Variants in RALB observed in about 807,000 individuals in gnomAD.
RALB encodes ras-related protein Ral-B.
In RALB, 16 loss-of-function variants were observed where a neutral mutation model predicts 21.3. The ratio of observed to expected loss-of-function variants is 0.75; its 90% CI spans 0.51 to 1.14. RALB has a LOEUF of 1.14. Among genes scored for constraint, RALB ranks in the 50% most tolerant of loss-of-function variants. The pLI is 0.00. For synonymous variants in RALB, 93 were observed against 96.1 expected (o/e 0.97, Z 0.19); for missense variants, 161 against 256.2 (o/e 0.63, Z 2.54).
At chr2:120,254,018 C>T (rs1280978278) in intron 1 of RALB, among the ~76,000 whole-genome samples, 2 of 152,142 alleles carry the variant, frequency 1.3e-5, no homozygotes, top group African/African-American at 2.4e-5. Flanking sequence ...CAGAACCGGT[C>T]AAGGCTCAGA....
chr2:120,277,690 A>T (rs535602302), intron 1 of RALB, among the ~76,000 whole-genome samples: 138 of 148,584 alleles, frequency 9.3e-4, no homozygotes, highest in Non-Finnish European at 1.4e-3. Context: ...TATGAGTGAA[A>T]GTGTGTATGT....
intron 1 of RALB, chr2:120,253,344 T>G: frequency 2.1e-6 from 2 of 968,944 alleles, no homozygotes; most frequent in Non-Finnish European, 2.5e-6. Context: ...GGCCGCGGCT[T>G]GGGCAGGGTC....
chr2:120,259,191 C>T (rs959134229), intron 1 of RALB, among the ~76,000 whole-genome samples: 2 of 152,212 alleles, frequency 1.3e-5, no homozygotes, highest in African/African-American at 4.8e-5. Flanking sequence ...AACAAAGCTT[C>T]CACAGCGTAG....
At chr2:120,248,585 C>T (rs936952620), upstream of RALB, among the ~76,000 whole-genome samples, 4 of 152,080 alleles carry the variant, frequency 2.6e-5, no homozygotes, top group African/African-American at 9.7e-5. Context: ...CGTGGACCCC[C>T]GGAACAGCAT....
intron 1 of RALB, among the ~76,000 whole-genome samples, chr2:120,277,965 ATGTG>A (rs1000240714): frequency 1.6e-4 from 20 of 124,202 alleles, no homozygotes; most frequent in African/African-American, 2.2e-4. Flanking sequence ...ATGTGAGTGA[ATGTG>A]TGTGAATAAG....
chr2:120,255,119 T>TCC (rs978588153), intron 1 of RALB, among the ~76,000 whole-genome samples: 7 of 152,228 alleles, frequency 4.6e-5, no homozygotes, highest in African/African-American at 1.7e-4. Context: ...GGAGACAATG[T>TCC]AAGACTAGAG....
chr2:120,284,545 T>G (rs927759908), intron 2 of RALB, among the ~76,000 whole-genome samples: 1 of 152,192 alleles, frequency 6.6e-6, no homozygotes, highest in Non-Finnish European at 1.5e-5. Context: ...ATTACAGGTG[T>G]GCACCACCAT....
intron 2 of RALB, among the ~76,000 whole-genome samples, chr2:120,284,676 G>GT (rs907488234): frequency 6.6e-5 from 10 of 151,750 alleles, no homozygotes; most frequent in South Asian, 4.2e-4. Context: ...AATTTAATAG[G>GT]TTTTTTTTGT....
At chr2:120,273,902 G>C (rs1004798402) in intron 1 of RALB, among the ~76,000 whole-genome samples, 7 of 152,172 alleles carry the variant, frequency 4.6e-5, no homozygotes, top group African/African-American at 1.4e-4. Context: ...TATCCACCAT[G>C]GTTATTTCAG....
chr2:120,253,690 C>T (rs534847835), intron 1 of RALB: 4 of 985,482 alleles, frequency 4.1e-6, no homozygotes, highest in African/African-American at 1.7e-5. Context: ...TCTCTGTGCT[C>T]ATTTCCAACG....
chr2:120,280,349 A>G (rs1689958023), intron 2 of RALB, among the ~76,000 whole-genome samples: 1 of 152,202 alleles, frequency 6.6e-6, no homozygotes, highest in Non-Finnish European at 1.5e-5. Flanking sequence ...TGTGGCACAT[A>G]TACACCATGG....
At position 120,278,626 on chromosome 2, in the gene RALB, T is replaced by C; in HGVS notation, c.-39T>C. ...GTCTTTGTCATCAGCAGCTCTTCAG[T>C]GGGTCATCTGTGTGTCACAGCCTCA... On this transcript the variant is annotated 5_prime_UTR_variant, in exon 2 of 5. Coordinates refer to ENST00000272519, the MANE Select transcript of RALB (RefSeq NM_002881.3). 1.3e-6 allele frequency: 2 copies of C among 1,532,264 alleles called. No individual in the cohort carries two copies. Among genetic ancestry groups the C allele is most frequent in the East Asian group, 4.9e-5 (2 of 40,764 alleles). The allele number at this position is 1,532,264 out of a possible 1,614,324, so 94.9% of individuals were successfully genotyped here.
At chr2:120,272,158 C>A (rs184496547) in intron 1 of RALB, among the ~76,000 whole-genome samples, 1 of 152,260 alleles carries the variant, frequency 6.6e-6, no homozygotes, top group East Asian at 1.9e-4. Flanking sequence ...GGAAGAGATA[C>A]CTGAGCTGCC....
In RALB at chr2:120,252,994, G is replaced by A; in HGVS notation, c.-48+14G>A. ...GACTGGTCCCTGGTAAGGGCGCGGC[G>A]CCCGCGGGCCCCGGGCGGGGTGGGG... On this transcript the variant is annotated intron_variant, in intron 1 of 4. Coordinates refer to ENST00000272519, the MANE Select transcript of RALB (RefSeq NM_002881.3). 1.0e-6 allele frequency: 1 copy of A among 984,796 alleles called. No individual in the cohort carries two copies. The highest frequency in any genetic ancestry group is 1.2e-6 in the Non-Finnish European group (1 of 829,684). 61.0% of individuals were successfully genotyped at this position (984,796 alleles called of 1,614,324 possible).
At chr2:120,277,955 A>G (rs1012033850) in intron 1 of RALB, among the ~76,000 whole-genome samples, 12 of 113,824 alleles carry the variant, frequency 1.1e-4, no homozygotes, top group African/African-American at 3.7e-4. Context: ...GAATGTGTGA[A>G]TGTGAGTGAA....
upstream of RALB, among the ~76,000 whole-genome samples, chr2:120,248,639 C>T (rs1031357107): frequency 2.0e-5 from 3 of 152,206 alleles, no homozygotes; most frequent in African/African-American, 7.2e-5. Context: ...CCAATCTCCC[C>T]ACCACAGCCA....
At position 120,293,740 on chromosome 2, in the gene RALB, A is replaced by G. The variant is rs1690362844; in HGVS notation, c.*480A>G. 6.1e-6 allele frequency: 1 copy of G among 163,344 alleles called. No homozygotes were observed. The highest frequency in any genetic ancestry group is 2.4e-5 in the African/African-American group (1 of 41,970). The allele number at this position is 163,344 out of a possible 1,614,324, so 10.1% of individuals were successfully genotyped here. On this transcript the variant is annotated 3_prime_UTR_variant, in exon 5 of 5. Transcript: ENST00000272519. ...CCCTTCAGCTCTAAGAACACTGAAA[A>G]ATCCACCGATTTTTTGGGTAAGCTT...
intron 2 of RALB, among the ~76,000 whole-genome samples, chr2:120,285,491 G>A (rs751095214): frequency 1.3e-5 from 2 of 152,084 alleles, no homozygotes; most frequent in Non-Finnish European, 2.9e-5. Flanking sequence ...AATGGGTGCA[G>A]CACACCAACA....
Position 120,294,072 on chromosome 2 carries a change from T to C in RALB, c.*812T>C. 1 of 398,536 alleles carries C rather than the reference T, an allele frequency of 2.5e-6. No individual in the cohort carries two copies. The highest frequency in any genetic ancestry group is 1.3e-4 in the South Asian group (1 of 7,758). The allele number at this position is 398,536 out of a possible 1,614,324, so 24.7% of individuals were successfully genotyped here. On this transcript the variant is annotated 3_prime_UTR_variant, in exon 5 of 5. Coordinates refer to ENST00000272519, the MANE Select transcript of RALB (RefSeq NM_002881.3). ...TAAGTTCTTTGGCTAAGTCCTCTCC[T>C]AACTGCCTGTCCTCTGGTTAGGCCC...
Sources: gnomAD v4.1 joint callset for allele counts (sites outside exome capture counted in the v4.1 genomes callset) on GRCh38, gnomAD v4.1.1 for gene constraint, MANE v1.5 for transcripts, NCBI Gene and HGNC (gene_info 2026-07-23, HGNC 2026-07-21) for gene names.